The following SLIT2 variants were observed in gnomAD, a reference collection of about 807,000 sequenced individuals.
SLIT2 encodes the protein slit homolog 2 protein.
A neutral mutation model predicts 185.7 loss-of-function variants in SLIT2; 41 were observed. The observed-to-expected ratio is 0.22, with a 90% CI of 0.17 to 0.29. SLIT2 has a LOEUF of 0.29. SLIT2 is among the 10% of genes least tolerant of loss of function. SLIT2 has a pLI of 1.00. For synonymous variants in SLIT2, 693 were observed against 680.2 expected (o/e 1.02, Z -0.29); for missense variants, 1,571 against 1,909.0 (o/e 0.82, Z 3.30).
chr4:20,298,982 A>C (rs373749832), intron 4 of SLIT2, among the ~76,000 whole-genome samples: 1 of 152,196 alleles, frequency 6.6e-6, no homozygotes, highest in Non-Finnish European at 1.5e-5. Flanking sequence ...ACCATTATTC[A>C]TAGTTGTAAT....
chr4:20,541,743 G>C (rs747365589), intron 20 of SLIT2, 124 bp downstream of exon 20: 4 of 897,434 alleles, frequency 4.5e-6, no homozygotes, highest in South Asian at 1.8e-5. Context: ...TTGCTTTGTC[G>C]TTTGGGTTTT....
At chr4:20,559,394 A>G in intron 26 of SLIT2, among the ~76,000 whole-genome samples, 1 of 151,936 alleles carries the variant, frequency 6.6e-6, no homozygotes, top group South Asian at 2.1e-4. Flanking sequence ...GTTTTTCTGT[A>G]ACTGAATTTT....
intron 4 of SLIT2, among the ~76,000 whole-genome samples, chr4:20,354,812 CAG>C (rs533775447): frequency 6.7e-6 from 1 of 149,316 alleles, no homozygotes; most frequent in Non-Finnish European, 1.5e-5. Context: ...AATATGATAA[CAG>C]AATTAATACA....
intron 28 of SLIT2, among the ~76,000 whole-genome samples, chr4:20,568,199 A>T (rs752128887): frequency 2.6e-5 from 4 of 152,076 alleles, no homozygotes; most frequent in African/African-American, 4.8e-5. Context: ...ATGCTAATAT[A>T]CTACTAAAAC....
rs1022865335 is a variant in SLIT2, at chr4:20,539,323, A to G, written c.1833-118A>G. On this transcript the variant is annotated intron_variant, in intron 18 of 36. Coordinates refer to ENST00000504154, the MANE Select transcript of SLIT2 (RefSeq NM_004787.4). Reference sequence around the variant, plus strand: ...TAGCAATATCTAATAGCAAGAGAACATTTTTAAAAAGTAGTAATGAATGCT... The same window carrying G: ...TAGCAATATCTAATAGCAAGAGAACGTTTTTAAAAAGTAGTAATGAATGCT... 4.7e-6 allele frequency: 4 copies of G among 855,610 alleles called. No homozygotes were observed. In the African/African-American group the frequency reaches 6.9e-5, roughly 15 times the overall value. 53.0% of individuals were successfully genotyped at this position (855,610 alleles called of 1,614,324 possible). A position where few individuals can be genotyped will look rare whatever the true frequency, so the allele number is the denominator to read the frequency against.
chr4:20,274,076 G>T (rs184731523), intron 4 of SLIT2, among the ~76,000 whole-genome samples: 1 of 152,304 alleles, frequency 6.6e-6, no homozygotes, highest in Admixed American at 6.5e-5. Flanking sequence ...AAGGGTGAAA[G>T]TTCCGTCGAA....
chr4:20,485,394 A>G (rs572057582), intron 6 of SLIT2, among the ~76,000 whole-genome samples: 1 of 152,316 alleles, frequency 6.6e-6, no homozygotes, highest in Non-Finnish European at 1.5e-5. Flanking sequence ...GAGTAGTAAT[A>G]GAAGTAGTAA....
At chr4:20,427,753 G>T (rs1344129615) in intron 4 of SLIT2, among the ~76,000 whole-genome samples, 1 of 150,400 alleles carries the variant, frequency 6.6e-6, no homozygotes, top group Non-Finnish European at 1.5e-5. Flanking sequence ...TCCCAGTAAT[G>T]ATTAGATACT....
chr4:20,309,371 C>T (rs1717863817), intron 4 of SLIT2, among the ~76,000 whole-genome samples: 2 of 151,918 alleles, frequency 1.3e-5, no homozygotes, highest in South Asian at 4.2e-4. Flanking sequence ...CCTCTTTCTG[C>T]TTTTAACAGA....
intron 5 of SLIT2, among the ~76,000 whole-genome samples, chr4:20,470,274 A>C (rs1363693758): frequency 6.6e-6 from 1 of 152,206 alleles, no homozygotes; most frequent in Non-Finnish European, 1.5e-5. Flanking sequence ...AATATTGACT[A>C]GAAATGACTA....
At chr4:20,425,970 T>G (rs1293832472) in intron 4 of SLIT2, among the ~76,000 whole-genome samples, 1 of 152,128 alleles carries the variant, frequency 6.6e-6, no homozygotes, top group East Asian at 1.9e-4. Context: ...CAATTCAGTT[T>G]GGGATTTGCT....
chr4:20,283,093 G>A (rs563909232), intron 4 of SLIT2, among the ~76,000 whole-genome samples: 1 of 147,214 alleles, frequency 6.8e-6, no homozygotes, highest in South Asian at 2.2e-4. Context: ...ATATGTGTGT[G>A]TTGCCTGTGT....
In SLIT2 at chr4:20,439,758, T is replaced by C. The variant is rs117181915; in HGVS notation, c.396-27994T>C. 1.0e-3 allele frequency among the ~76,000 whole-genome samples: 156 copies of C among 152,300 alleles called. 4 individuals are homozygous for C. In the East Asian group the frequency reaches 0.027, roughly 27 times the overall value. ...CAAACTTGGATTCTAAAACTCACAA[T>C]CTACTAATATCTGAACCCGTACAAA... On this transcript the variant is annotated intron_variant, in intron 4 of 36. Transcript: ENST00000504154.
At chr4:20,316,365 G>C (rs1718580591) in intron 4 of SLIT2, among the ~76,000 whole-genome samples, 1 of 151,886 alleles carries the variant, frequency 6.6e-6, no homozygotes, top group African/African-American at 2.4e-5. Flanking sequence ...CAGTAAAGGA[G>C]ACAAGACCAG....
At chr4:20,439,886 G>C (rs1729621496) in intron 4 of SLIT2, among the ~76,000 whole-genome samples, 10 of 152,284 alleles carry the variant, frequency 6.6e-5, no homozygotes, top group Admixed American at 4.6e-4. Flanking sequence ...TCACCACATA[G>C]CAGGAGAAAA....
chr4:20,312,790 AAAAG>A (rs1560307566), intron 4 of SLIT2, among the ~76,000 whole-genome samples: 1 of 150,330 alleles, frequency 6.7e-6, no homozygotes, highest in Non-Finnish European at 1.5e-5. Context: ...AAAAAAAAAA[AAAAG>A]AAAGAAAAGA....
intron 4 of SLIT2, among the ~76,000 whole-genome samples, chr4:20,370,663 C>G (rs551388453): frequency 7.2e-5 from 11 of 152,168 alleles, no homozygotes; most frequent in African/African-American, 2.2e-4. Flanking sequence ...TTCTCCATTT[C>G]CCAAATTCTT....
intron 26 of SLIT2, among the ~76,000 whole-genome samples, chr4:20,566,465 A>C (rs1424461627): frequency 2.0e-5 from 3 of 152,128 alleles, no homozygotes; most frequent in Non-Finnish European, 4.4e-5. Context: ...TTGTCCAATA[A>C]GTATTTGTGA....
chr4:20,618,338 G>A (rs1405522244), intron 36 of SLIT2, among the ~76,000 whole-genome samples: 2 of 152,190 alleles, frequency 1.3e-5, no homozygotes, highest in Non-Finnish European at 2.9e-5. Flanking sequence ...AATTTATGAA[G>A]TTAATGGAAT....
Sources: gnomAD v4.1 joint callset for allele counts (sites outside exome capture counted in the v4.1 genomes callset) on GRCh38, gnomAD v4.1.1 for gene constraint, MANE v1.5 for transcripts, NCBI Gene and HGNC (gene_info 2026-07-23, HGNC 2026-07-21) for gene names.